Variants in SV2C observed in about 807,000 individuals in gnomAD.
SV2C encodes the protein synaptic vesicle glycoprotein 2C, also known as solute carrier family 22 member B3.
Under a neutral mutation model 79.7 loss-of-function variants are expected in SV2C, and 49 were observed. The ratio of observed to expected loss-of-function variants is 0.61; its 90% CI spans 0.49 to 0.78. SV2C has a LOEUF of 0.78. Ranked by LOEUF, SV2C falls within the 30% of genes least tolerant of loss-of-function variation. The pLI, the probability that SV2C is intolerant of heterozygous loss-of-function variation, is 0.00. For synonymous variants in SV2C, 334 were observed against 333.2 expected, an observed-to-expected ratio of 1.00 and a Z score of -0.03; for missense variants, 833 against 912.9, an observed-to-expected ratio of 0.91 and a Z score of 1.13.
chr5:76,231,095 T>C (rs963247961), intron 4 of SV2C, among the ~76,000 whole-genome samples: 2 of 148,552 alleles, frequency 1.3e-5, no homozygotes, highest in Non-Finnish European at 2.9e-5. Context: ...GAATACAGTA[T>C]AGCCACAGTC....
At chr5:76,024,738 C>G in the SV2C span, among the ~76,000 whole-genome samples, 1 of 152,124 alleles carries the variant, frequency 6.6e-6, no homozygotes, top group Non-Finnish European at 1.5e-5. Context: ...CAAATTCAGG[C>G]ATATTCAAGA....
At chr5:76,313,950 A>G (rs1300729607) in intron 12 of SV2C, among the ~76,000 whole-genome samples, 1 of 152,176 alleles carries the variant, frequency 6.6e-6, no homozygotes, top group Non-Finnish European at 1.5e-5. Flanking sequence ...TTGATTCTTG[A>G]TTAATGTGCT....
intron 4 of SV2C, among the ~76,000 whole-genome samples, chr5:76,251,699 C>T (rs1746122080): frequency 6.6e-6 from 1 of 152,192 alleles, no homozygotes; most frequent in Non-Finnish European, 1.5e-5. Flanking sequence ...ATAAGCGCCA[C>T]ACTTTAAGAA....
At chr5:76,133,718 G>A (rs960769148) in intron 2 of SV2C, among the ~76,000 whole-genome samples, 1 of 152,080 alleles carries the variant, frequency 6.6e-6, no homozygotes, top group African/African-American at 2.4e-5. Context: ...TTCAGAGGAG[G>A]GTCCTTGGTC....
the SV2C span, among the ~76,000 whole-genome samples, chr5:75,962,316 T>C: frequency 1.3e-5 from 2 of 152,166 alleles, no homozygotes; most frequent in South Asian, 4.1e-4. Context: ...GTTGTTCAGA[T>C]GCAAGGGTGG....
At chr5:76,172,489 G>A (rs1580327449) in intron 2 of SV2C, among the ~76,000 whole-genome samples, 4 of 77,768 alleles carry the variant, frequency 5.1e-5, no homozygotes, top group Admixed American at 2.7e-4. Context: ...CTGCCCGGCC[G>A]CCCCTACTGG....
At chr5:75,902,207 A>T in the SV2C span, among the ~76,000 whole-genome samples, 2 of 152,120 alleles carry the variant, frequency 1.3e-5, no homozygotes, top group African/African-American at 4.8e-5. Context: ...TGTGGACCGG[A>T]GCTGTTCCTA....
chr5:76,062,669 A>T, the SV2C span, among the ~76,000 whole-genome samples: 1 of 151,832 alleles, frequency 6.6e-6, no homozygotes, highest in African/African-American at 2.4e-5. Context: ...AATTTCTGTT[A>T]TTGCTTTATG....
At chr5:76,104,880 T>A (rs1747857687) in intron 1 of SV2C, among the ~76,000 whole-genome samples, 1 of 152,192 alleles carries the variant, frequency 6.6e-6, no homozygotes. Context: ...TAGAAAAACT[T>A]CTTCACCCCA....
At chr5:75,898,462 C>T in the SV2C span, among the ~76,000 whole-genome samples, 2 of 152,234 alleles carry the variant, frequency 1.3e-5, no homozygotes, top group African/African-American at 2.4e-5. Context: ...CTGCTGGATT[C>T]AGTTTGCCAG....
At chr5:76,304,783 A>T (rs1245055318) in intron 12 of SV2C, among the ~76,000 whole-genome samples, 1 of 152,152 alleles carries the variant, frequency 6.6e-6, no homozygotes, top group Non-Finnish European at 1.5e-5. Flanking sequence ...CCTTAATCCC[A>T]TTCACCAGGG....
Position 76,246,687 on chromosome 5 carries a change from G to A in SV2C, c.913+36800G>A, listed in dbSNP as rs528708640. ...AAGAGAAATTCTTCTTAGAAAATCAGGTTAAAAAGGGAAGAGGGAAAAATT... is the reference window on the plus strand; with the variant it reads ...AAGAGAAATTCTTCTTAGAAAATCAAGTTAAAAAGGGAAGAGGGAAAAATT... On this transcript the variant is annotated intron_variant, in intron 4 of 12. Coordinates refer to ENST00000502798, the MANE Select transcript of SV2C (RefSeq NM_014979.4). 2.6e-5 allele frequency among the ~76,000 whole-genome samples: 4 copies of A among 152,154 alleles called. No individual in the cohort carries two copies. The South Asian group carries it at 8.3e-4, about 32-fold the overall frequency.
the SV2C span, among the ~76,000 whole-genome samples, chr5:75,961,109 T>C: frequency 6.6e-6 from 1 of 152,042 alleles, no homozygotes; most frequent in Non-Finnish European, 1.5e-5. Context: ...CAATAAAATA[T>C]GCTCTTTCCT....
chr5:75,991,654 A>C, the SV2C span, among the ~76,000 whole-genome samples: 1 of 149,634 alleles, frequency 6.7e-6, no homozygotes, highest in South Asian at 2.1e-4. Flanking sequence ...ATATATTTGC[A>C]AAACCATCAG....
intron 12 of SV2C, among the ~76,000 whole-genome samples, chr5:76,305,184 A>G (rs1748143236): frequency 6.6e-6 from 1 of 152,130 alleles, no homozygotes; most frequent in Non-Finnish European, 1.5e-5. Flanking sequence ...CTGCCCCCAT[A>G]ATTCAATCAT....
chr5:76,048,294 C>A, the SV2C span, among the ~76,000 whole-genome samples: 2 of 152,144 alleles, frequency 1.3e-5, no homozygotes, highest in African/African-American at 4.8e-5. Flanking sequence ...ACCAAGAGCA[C>A]CGATGTCCGA....
At chr5:75,882,050 G>A in the SV2C span, among the ~76,000 whole-genome samples, 5 of 150,282 alleles carry the variant, frequency 3.3e-5, no homozygotes, top group Non-Finnish European at 2.9e-5. Context: ...CATCTATTGA[G>A]ATAATCATGT....
At chr5:76,209,010 C>G (rs1336891026) in intron 3 of SV2C, among the ~76,000 whole-genome samples, 2 of 152,184 alleles carry the variant, frequency 1.3e-5, no homozygotes, top group Non-Finnish European at 2.9e-5. Flanking sequence ...TTTCTGTCAT[C>G]TCCCCAGAGC....
At chr5:76,070,654 G>A in the SV2C span, among the ~76,000 whole-genome samples, 2 of 152,172 alleles carry the variant, frequency 1.3e-5, no homozygotes, top group African/African-American at 4.8e-5. Flanking sequence ...GTACCAAAAT[G>A]TCAAGCCTGC....
Sources: gnomAD v4.1 joint callset for allele counts (sites outside exome capture counted in the v4.1 genomes callset) on GRCh38, gnomAD v4.1.1 for gene constraint, MANE v1.5 for transcripts, NCBI Gene and HGNC (gene_info 2026-07-23, HGNC 2026-07-21) for gene names.